Variants in RHOA observed in about 807,000 individuals in gnomAD.
RHOA encodes transforming protein RhoA.
A neutral mutation model predicts 17.5 loss-of-function variants in RHOA; 3 were observed. The ratio of observed to expected loss-of-function variants is 0.17; its 90% CI spans 0.08 to 0.44. RHOA has a LOEUF of 0.44. Ranked by LOEUF, RHOA falls within the 20% of genes least tolerant of loss-of-function variation. The pLI is 0.99. For missense variants in RHOA, 56 were observed against 242.3 expected (o/e 0.23, Z 5.10); for synonymous variants, 98 against 88.4 (o/e 1.11, Z -0.61).
chr3:49,389,968 A>G (rs1326517405), intron 1 of RHOA, among the ~76,000 whole-genome samples: 1 of 151,884 alleles, frequency 6.6e-6, no homozygotes, highest in Non-Finnish European at 1.5e-5. Flanking sequence ...GTTACAGACA[A>G]AACAGTAAGA....
intron 1 of RHOA, among the ~76,000 whole-genome samples, chr3:49,406,277 T>C (rs949944214): frequency 2.0e-5 from 3 of 152,082 alleles, no homozygotes; most frequent in African/African-American, 4.8e-5. Context: ...GCATATGATC[T>C]CTAGGTCCAT....
rs867280109 is a variant in RHOA, at chr3:49,402,592, T to C, written c.-3+9228A>G. ...ATGAGGCTGAGGCAGGAGTATTACTTGGGCACAAGAGTTAGAGGCTGCAGT... is the reference window on the plus strand; with the variant it reads ...ATGAGGCTGAGGCAGGAGTATTACTCGGGCACAAGAGTTAGAGGCTGCAGT... On this transcript the variant is annotated intron_variant, in intron 1 of 4. Coordinates refer to ENST00000418115, the MANE Select transcript of RHOA (RefSeq NM_001664.4). Among the ~76,000 whole-genome samples the C allele has an allele frequency of 1.8e-4, 28 of 152,130 alleles. 1 individual carries two copies. The highest frequency in any genetic ancestry group is 1.2e-3 in the South Asian group (6 of 4,830).
At chr3:49,379,225 G>A (rs1354938701) in intron 1 of RHOA, among the ~76,000 whole-genome samples, 1 of 152,092 alleles carries the variant, frequency 6.6e-6, no homozygotes, top group Non-Finnish European at 1.5e-5. Context: ...ACTGATATAT[G>A]CTATAGTATG....
At chr3:49,404,933 T>C (rs1445120782) in intron 1 of RHOA, among the ~76,000 whole-genome samples, 4 of 134,260 alleles carry the variant, frequency 3.0e-5, no homozygotes, top group Non-Finnish European at 6.4e-5. Context: ...AGCGAGACTC[T>C]TGTCTCCAAA....
At chr3:49,406,573 A>C (rs117704327) in intron 1 of RHOA, 1 of 152,182 alleles carries the variant, frequency 6.6e-6, no homozygotes, top group Admixed American at 6.6e-5. Flanking sequence ...ATTTGAGACC[A>C]GCCTGGCCGA....
intron 2 of RHOA, among the ~76,000 whole-genome samples, chr3:49,371,569 G>C (rs11719762): frequency 0.74 from 112,205 of 152,070 alleles, 41,865 homozygotes; most frequent in East Asian, 0.99. Flanking sequence ...TGTGAGCTAC[G>C]ACGTCTGGCC....
chr3:49,395,999 A>AG (rs1468464299), intron 1 of RHOA, among the ~76,000 whole-genome samples: 2 of 152,160 alleles, frequency 1.3e-5, no homozygotes, highest in Non-Finnish European at 2.9e-5. Flanking sequence ...GCAGTGATCT[A>AG]GCCAAAGAGT....
intron 1 of RHOA, among the ~76,000 whole-genome samples, chr3:49,385,278 T>C (rs2048378640): frequency 6.7e-6 from 1 of 148,546 alleles, no homozygotes; most frequent in African/African-American, 2.5e-5. Context: ...TGGAGTGCAG[T>C]GGCGCGATCT....
chr3:49,371,123 G>C (rs1414418788), intron 2 of RHOA, among the ~76,000 whole-genome samples: 1 of 152,042 alleles, frequency 6.6e-6, no homozygotes, highest in East Asian at 1.9e-4. Flanking sequence ...ACGGTGTTTA[G>C]TCATATATCC....
At chr3:49,398,839 CAAAAAAAAAAAA>C (rs71080506) in intron 1 of RHOA, among the ~76,000 whole-genome samples, 380 of 35,626 alleles carry the variant, frequency 0.011, 2 homozygotes, top group South Asian at 0.045. Context: ...GACTCCGTCT[CAAAAAAAAAAAA>C]AAAAAAAAAA....
At chr3:49,398,251 T>A (rs1225185681) in intron 1 of RHOA, among the ~76,000 whole-genome samples, 4 of 151,892 alleles carry the variant, frequency 2.6e-5, no homozygotes, top group Non-Finnish European at 5.9e-5. Flanking sequence ...CTCAGGAGGC[T>A]GAGACACGAG....
intron 1 of RHOA, among the ~76,000 whole-genome samples, chr3:49,391,637 C>CGGT (rs1553634719): frequency 1.3e-5 from 2 of 151,492 alleles, no homozygotes; most frequent in Non-Finnish European, 2.9e-5. Flanking sequence ...TCCGCCTCCC[C>CGGT]GGTAGCTGGG....
intron 1 of RHOA, among the ~76,000 whole-genome samples, chr3:49,390,818 C>G (rs985573436): frequency 6.6e-6 from 1 of 152,014 alleles, no homozygotes; most frequent in East Asian, 1.9e-4. Flanking sequence ...TGTGGTGGCT[C>G]TCCCCTATAA....
chr3:49,378,056 G>A (rs900854207), intron 1 of RHOA, among the ~76,000 whole-genome samples: 1 of 150,620 alleles, frequency 6.6e-6, no homozygotes, highest in Non-Finnish European at 1.5e-5. Context: ...GACTGAGGCA[G>A]GAGAATCGCT....
chr3:49,400,788 G>C (rs9871380), intron 1 of RHOA, among the ~76,000 whole-genome samples: 3 of 151,590 alleles, frequency 2.0e-5, no homozygotes, highest in Non-Finnish European at 4.4e-5. Context: ...GCTCACGCCT[G>C]TAATTCCAGC....
chr3:49,409,030 C>T (rs960809040), intron 1 of RHOA, among the ~76,000 whole-genome samples: 6 of 151,206 alleles, frequency 4.0e-5, no homozygotes, highest in South Asian at 2.1e-4. Context: ...CCTCGTGATC[C>T]GCCCGCCTCG....
intron 3 of RHOA, among the ~76,000 whole-genome samples, chr3:49,363,049 T>C (rs974495): frequency 0.74 from 112,213 of 152,108 alleles, 41,871 homozygotes; most frequent in East Asian, 0.99. Flanking sequence ...GGTCCACATG[T>C]TCTTTTTCTA....
rs190716817 is a variant in RHOA, at chr3:49,407,496, A to C, written c.-3+4324T>G. Among the ~76,000 whole-genome samples, 137 of 152,282 alleles carry C rather than the reference A, an allele frequency of 9.0e-4. 2 individuals carry two copies. The East Asian group carries it at 0.011, about 12-fold the overall frequency. ...TGATCCACCTGCCCAGCACTTCCAA[A>C]GTGCTGGGATTACAGGCATCAGCCA... On this transcript the variant is annotated intron_variant, in intron 1 of 4. Transcript: ENST00000418115.
intron 1 of RHOA, among the ~76,000 whole-genome samples, chr3:49,399,686 C>G (rs942240363): frequency 6.6e-6 from 1 of 151,856 alleles, no homozygotes; most frequent in Non-Finnish European, 1.5e-5. Context: ...CCTGGGCTCC[C>G]CTCAGCTGCC....
Sources: allele counts gnomAD v4.1 joint callset (sites outside exome capture counted in the v4.1 genomes callset), GRCh38; gene constraint gnomAD v4.1.1; transcripts MANE v1.5; gene names NCBI Gene and HGNC (gene_info 2026-07-23, HGNC 2026-07-21).